PRKN: variants seen among roughly 807,000 people sequenced by gnomAD.
The protein encoded by PRKN is E3 ubiquitin-protein ligase parkin.
Under a neutral mutation model 59.5 loss-of-function variants are expected in PRKN, and 56 were observed. The ratio of observed to expected loss-of-function variants is 0.94; its 90% CI spans 0.76 to 1.18. PRKN has a LOEUF of 1.18. Among genes scored for constraint, PRKN ranks in the 50% most tolerant of loss-of-function variants. The pLI, the probability that PRKN is intolerant of heterozygous loss-of-function variation, is 0.00. For missense variants in PRKN, 657 were observed against 596.4 expected (o/e 1.10, Z -1.06); for synonymous variants, 250 against 222.1 (o/e 1.13, Z -1.12).
At chr6:162,266,498 G>C (rs1583289548) in intron 2 of PRKN, 1 of 152,072 alleles carries the variant, frequency 6.6e-6, no homozygotes, top group South Asian at 2.1e-4. Flanking sequence ...TGACTGAAGG[G>C]AAGTAAGAAA....
intron 3 of PRKN, among the ~76,000 whole-genome samples, chr6:162,208,289 T>C (rs993462659): frequency 3.3e-5 from 5 of 152,336 alleles, no homozygotes; most frequent in African/African-American, 7.2e-5. Context: ...GGTTATGCTA[T>C]ATTGTAAACA....
intron 4 of PRKN, among the ~76,000 whole-genome samples, chr6:162,199,953 C>A (rs969043238): frequency 6.6e-6 from 1 of 152,122 alleles, no homozygotes; most frequent in African/African-American, 2.4e-5. Flanking sequence ...CCTTAATTAG[C>A]CTCTTGTCTT....
intron 1 of PRKN, among the ~76,000 whole-genome samples, chr6:162,715,791 T>C (rs533011876): frequency 2.0e-4 from 30 of 152,304 alleles, no homozygotes; most frequent in Admixed American, 1.6e-3. Flanking sequence ...CTCCATCCCG[T>C]CAACTACTCA....
rs751037529 is a variant in PRKN, at chr6:161,785,793, C to G, written c.850G>C (p.Gly284Arg). 7 of 1,614,020 alleles carry G rather than the reference C, an allele frequency of 4.3e-6. No individual in the cohort carries two copies. The highest frequency in any genetic ancestry group is 2.2e-5 in the East Asian group (1 of 44,872). Residue 284 changes from glycine to arginine, a missense_variant, in exon 7 of 12, where the codon GGC becomes CGC. Coordinates refer to ENST00000366898, the MANE Select transcript of PRKN (RefSeq NM_004562.3). ...TTACCCACACAAGGCAGGGAGTAGC[C>G]AAGTTGAGGGTCGTGAACAAACTGC... ...DRQFVHDPQLGYSLPCVAGCP... is the reference protein window; with the variant it reads ...DRQFVHDPQLRYSLPCVAGCP...
rs1364658223 is a variant in PRKN, at chr6:161,369,640, A to T, written c.1168-9435T>A. Reference sequence around the variant, plus strand: ...CTGTCTACTGCTCACCCGTGGCAGGAGGAATTGCATGCATGCATGTGTGTA... The same window carrying T: ...CTGTCTACTGCTCACCCGTGGCAGGTGGAATTGCATGCATGCATGTGTGTA... On this transcript the variant is annotated intron_variant, in intron 10 of 11. Transcript: ENST00000366898. The surrounding 1 kb of genome is among the most constrained non-coding windows in gnomAD (Gnocchi z 5.8). Among the ~76,000 whole-genome samples, 1 of 152,074 alleles carries T rather than the reference A, an allele frequency of 6.6e-6. No individual in the cohort carries two copies. The highest frequency in any genetic ancestry group is 1.5e-5 in the Non-Finnish European group (1 of 68,028).
At chr6:161,743,383 C>CTTTT (rs1000821546) in intron 7 of PRKN, among the ~76,000 whole-genome samples, 4 of 110,390 alleles carry the variant, frequency 3.6e-5, no homozygotes, top group Non-Finnish European at 5.9e-5. Flanking sequence ...CCACATCCAG[C>CTTTT]TTTTTTATTT....
At chr6:162,622,229 T>C (rs1349261688) in intron 1 of PRKN, among the ~76,000 whole-genome samples, 1 of 152,188 alleles carries the variant, frequency 6.6e-6, no homozygotes, top group South Asian at 2.1e-4. Context: ...CCTGGAAATT[T>C]CTTGTTTTGA....
intron 6 of PRKN, among the ~76,000 whole-genome samples, chr6:161,955,316 T>TG (rs1780131051): frequency 6.6e-6 from 1 of 152,110 alleles, no homozygotes; most frequent in Non-Finnish European, 1.5e-5. Flanking sequence ...AGGTCCCCAT[T>TG]GGGAAAAAAC....
At chr6:162,487,643 G>A (rs1792609684) in intron 1 of PRKN, among the ~76,000 whole-genome samples, 1 of 152,052 alleles carries the variant, frequency 6.6e-6, no homozygotes, top group Non-Finnish European at 1.5e-5. Context: ...TACAATCAGT[G>A]GTTCCCAGGC....
At chr6:162,043,513 G>A (rs1784142780) in intron 5 of PRKN, among the ~76,000 whole-genome samples, 1 of 152,164 alleles carries the variant, frequency 6.6e-6, no homozygotes, top group African/African-American at 2.4e-5. Flanking sequence ...ATGGACAAAT[G>A]GAGATGAACA....
intron 2 of PRKN, among the ~76,000 whole-genome samples, chr6:162,382,334 A>G (rs1786535738): frequency 6.6e-6 from 1 of 152,168 alleles, no homozygotes; most frequent in African/African-American, 2.4e-5. Context: ...CTTGAGGAAC[A>G]TGTACAGGCA....
rs1286220430 is a variant in PRKN, at chr6:161,975,908, A to G, written c.619-2491T>C. The stretch of plus-strand genomic sequence containing the variant: ...GACTCTCAAAAATCTGGAGTGTGCC[A>G]TTTTACTTTTTTTTTGAGACAGAGT... On this transcript the variant is annotated intron_variant, in intron 5 of 11. Coordinates refer to ENST00000366898, the MANE Select transcript of PRKN (RefSeq NM_004562.3). Among the ~76,000 whole-genome samples the G allele has an allele frequency of 2.6e-5, 4 of 151,900 alleles. No individual in the cohort carries two copies. The East Asian group carries it at 7.8e-4, about 29-fold the overall frequency.
chr6:162,266,046 G>C (rs548410529), intron 2 of PRKN, among the ~76,000 whole-genome samples: 2 of 152,140 alleles, frequency 1.3e-5, no homozygotes, highest in African/African-American at 4.8e-5. Context: ...CAGGATCCGA[G>C]TATACTCAAG....
chr6:162,513,270 G>T (rs1469922733), intron 1 of PRKN, among the ~76,000 whole-genome samples: 1 of 152,054 alleles, frequency 6.6e-6, no homozygotes, highest in Admixed American at 6.6e-5. Flanking sequence ...CTTGAGGTGA[G>T]GAGTTCTAGA....
intron 1 of PRKN, among the ~76,000 whole-genome samples, chr6:162,538,392 G>T (rs1298920981): frequency 1.3e-5 from 2 of 151,996 alleles, no homozygotes; most frequent in African/African-American, 4.8e-5. Context: ...GCCAAACTCT[G>T]TCTCTAAATA....
At chr6:161,678,562 T>A (rs1035948835) in intron 7 of PRKN, among the ~76,000 whole-genome samples, 3 of 146,162 alleles carry the variant, frequency 2.1e-5, no homozygotes, top group African/African-American at 7.6e-5. Context: ...CTTATTTTGG[T>A]GCCTGATTTT....
chr6:162,709,242 C>A (rs541818305), intron 1 of PRKN, among the ~76,000 whole-genome samples: 65 of 152,226 alleles, frequency 4.3e-4, no homozygotes, highest in Non-Finnish European at 3.7e-4. Context: ...AGGTAACGCA[C>A]TTGAATTACA....
rs779445487 is a variant in PRKN, at chr6:161,569,311, A to G, written c.933+44T>C. On this transcript the variant is annotated intron_variant, in intron 8 of 11. Transcript: ENST00000366898. Reference sequence around the variant, plus strand: ...AGCCCAAACTGTCTCATTAGCGTCTATCTTTCATGACAGTCTGATGCAGCC... The same window carrying G: ...AGCCCAAACTGTCTCATTAGCGTCTGTCTTTCATGACAGTCTGATGCAGCC... 6.4e-6 allele frequency: 10 copies of G among 1,565,628 alleles called. No individual in the cohort carries two copies. In the African/African-American group the frequency reaches 6.8e-5, roughly 11 times the overall value.
intron 2 of PRKN, among the ~76,000 whole-genome samples, chr6:162,266,198 G>A (rs1324574945): frequency 1.3e-5 from 2 of 152,040 alleles, no homozygotes; most frequent in East Asian, 1.9e-4. Flanking sequence ...TCCTCCTAGA[G>A]AAAAGTAACA....
Sources: gnomAD v4.1 joint callset for allele counts (sites outside exome capture counted in the v4.1 genomes callset) on GRCh38, gnomAD v4.1.1 for gene constraint, Gnocchi (gnomAD v3.1) non-coding constraint, MANE v1.5 for transcripts, NCBI Gene and HGNC (gene_info 2026-07-23, HGNC 2026-07-21) for gene names.